The following MYO5A variants were observed in gnomAD, a reference collection of about 807,000 sequenced individuals.
MYO5A encodes unconventional myosin-Va.
In MYO5A, 98 loss-of-function variants were observed where a neutral mutation model predicts 249.7. The observed-to-expected ratio is 0.39, with a 90% CI of 0.33 to 0.46. The LOEUF (loss-of-function observed/expected upper bound fraction) is 0.46, where lower values mean the gene tolerates loss of function less well. MYO5A is among the 20% of genes least tolerant of loss of function. The probability of loss-of-function intolerance (pLI) is 0.98; values close to 1 mark genes in which losing one functional copy is unlikely to be tolerated. For missense variants in MYO5A, 1,696 were observed against 2,308.8 expected (o/e 0.73, Z 5.44); for synonymous variants, 778 against 810.6 (o/e 0.96, Z 0.68).
At chr15:52,360,439 C>A (rs566756039) in intron 24 of MYO5A, among the ~76,000 whole-genome samples, 1 of 152,208 alleles carries the variant, frequency 6.6e-6, no homozygotes, top group East Asian at 1.9e-4. Flanking sequence ...ACTTTTAGTG[C>A]CATAATCAAA....
chr15:52,521,457 T>C (rs1045112810), intron 1 of MYO5A, among the ~76,000 whole-genome samples: 13 of 152,198 alleles, frequency 8.5e-5, no homozygotes, highest in African/African-American at 3.1e-4. Context: ...TGACAAAAGA[T>C]GGACAAAACC....
intron 1 of MYO5A, among the ~76,000 whole-genome samples, chr15:52,487,723 C>CA (rs57515007): frequency 0.037 from 3,229 of 87,298 alleles, 97 homozygotes; most frequent in African/African-American, 0.095. Context: ...GACTCTGTCT[C>CA]AAAAAAAAAA....
At chr15:52,455,409 C>A (rs529258717) in intron 1 of MYO5A, among the ~76,000 whole-genome samples, 34 of 152,160 alleles carry the variant, frequency 2.2e-4, no homozygotes, top group Non-Finnish European at 5.0e-4. Context: ...CAATTCTGCT[C>A]AAACTCTTCA....
chr15:52,407,309 T>G lies in MYO5A; in HGVS notation c.929A>C (p.Gln310Pro). ...DDAKEMAHTR[Q>P]ACTLLGISES... is the part of the protein sequence containing the mutation. Reference sequence around the variant, plus strand: ...GACATTACCTAGCAAAGTGCAGGCCTGCCTAGTATGTGCCATCTCCTTTGC... The same window carrying G: ...GACATTACCTAGCAAAGTGCAGGCCGGCCTAGTATGTGCCATCTCCTTTGC... The change falls in exon 8 of 42, where the codon CAG (glutamine) becomes CCG (proline). Residue 310 changes from glutamine (Q) to proline (P), a missense_variant. By Grantham distance (76) the Gln-to-Pro change is moderately conservative (BLOSUM62 -1). Coordinates refer to ENST00000399233, the MANE Select transcript of MYO5A (RefSeq NM_001382347.1). 6.2e-7 allele frequency: 1 copy of G among 1,612,962 alleles called. No homozygotes were observed. Among genetic ancestry groups the G allele is most frequent in the Non-Finnish European group, 8.5e-7 (1 of 1,178,936 alleles).
At chr15:52,498,252 T>C (rs1217919254) in intron 1 of MYO5A, among the ~76,000 whole-genome samples, 1 of 152,220 alleles carries the variant, frequency 6.6e-6, no homozygotes, top group East Asian at 1.9e-4. Flanking sequence ...ATCTACGTTA[T>C]CTCCACTTGG....
At chr15:52,366,589 CAA>C (rs2040817758) in intron 23 of MYO5A, among the ~76,000 whole-genome samples, 1 of 92,920 alleles carries the variant, frequency 1.1e-5, no homozygotes, top group Non-Finnish European at 2.1e-5. Flanking sequence ...TTTAGACTAG[CAA>C]AGAGTGGTGA....
chr15:52,463,717 T>C (rs188253341), intron 1 of MYO5A, among the ~76,000 whole-genome samples: 1 of 152,308 alleles, frequency 6.6e-6, no homozygotes, highest in African/African-American at 2.4e-5. Flanking sequence ...GTGAATTACT[T>C]ATCTGAAGCT....
chr15:52,358,174 G>A (rs2040340546), intron 25 of MYO5A, among the ~76,000 whole-genome samples: 1 of 152,200 alleles, frequency 6.6e-6, no homozygotes, highest in African/African-American at 2.4e-5. Flanking sequence ...AAGTGGGACT[G>A]GCAGGCGAAT....
intron 9 of MYO5A, among the ~76,000 whole-genome samples, chr15:52,401,074 C>CT (rs61604681): frequency 0.75 from 101,843 of 135,982 alleles, 38,944 homozygotes; most frequent in Non-Finnish European, 0.82. Flanking sequence ...TTCTCATAAG[C>CT]TTTTTTTTTT....
In MYO5A at chr15:52,337,885, C is replaced by T; in HGVS notation, c.4240-1G>A. ...CATCTGCATATAATTCCTCAAAATACTGAAAAAACAGGCACAATGGATATT... is the reference window on the plus strand; with the variant it reads ...CATCTGCATATAATTCCTCAAAATATTGAAAAAACAGGCACAATGGATATT... On this transcript the variant is annotated splice_acceptor_variant, in intron 32 of 41. Transcript: ENST00000399233. LOFTEE classifies it high-confidence loss of function. The T allele has an allele frequency of 1.3e-6, 2 of 1,535,650 alleles. No homozygotes were observed. The highest frequency in any genetic ancestry group is 8.8e-7 in the Non-Finnish European group (1 of 1,137,164).
chr15:52,442,758 C>CTTT (rs57527294), intron 1 of MYO5A, among the ~76,000 whole-genome samples: 4 of 140,980 alleles, frequency 2.8e-5, no homozygotes, highest in Non-Finnish European at 4.6e-5. Context: ...CAGTTTTTTT[C>CTTT]TTTTTTTTTT....
intron 1 of MYO5A, chr15:52,438,024 A>G (rs1340951584): frequency 2.0e-6 from 2 of 984,848 alleles, no homozygotes; most frequent in South Asian, 4.7e-5. Flanking sequence ...CCATTCTATT[A>G]TTACCATTGC....
At position 52,310,378 on chromosome 15, in the gene MYO5A, G is replaced by C. The variant is rs537908911; in HGVS notation, c.*3318C>G. ...ATTACTTTTAAATTTTCAGCTTCAAGTTGTAAGGGTGTGAGGTGAGTCTGC... is the reference window on the plus strand; with the variant it reads ...ATTACTTTTAAATTTTCAGCTTCAACTTGTAAGGGTGTGAGGTGAGTCTGC... On this transcript the variant is annotated 3_prime_UTR_variant, in exon 42 of 42. Coordinates refer to ENST00000399233, the MANE Select transcript of MYO5A (RefSeq NM_001382347.1). 1 of 152,338 alleles carries C rather than the reference G, an allele frequency of 6.6e-6. No individual in the cohort carries two copies. The highest frequency in any genetic ancestry group is 2.4e-5 in the African/African-American group (1 of 41,582). The allele number at this position is 152,338 out of a possible 1,614,324, so 9.4% of individuals were successfully genotyped here. A position where few individuals can be genotyped will look rare whatever the true frequency, so the allele number is the denominator to read the frequency against.
chr15:52,392,150 T>C, intron 11 of MYO5A, 80 bp from the exon 12 acceptor site: 3 of 1,392,146 alleles, frequency 2.2e-6, no homozygotes, highest in Non-Finnish European at 3.0e-6. Flanking sequence ...CAACATAATT[T>C]GAGATAATCT....
At chr15:52,380,200 C>G (rs2141122660) in intron 16 of MYO5A, among the ~76,000 whole-genome samples, 1 of 152,282 alleles carries the variant, frequency 6.6e-6, no homozygotes, top group Non-Finnish European at 1.5e-5. Flanking sequence ...TTTTGGGAGG[C>G]CCAGGAGGGT....
chr15:52,524,435 A>G (rs2077689757), intron 1 of MYO5A, among the ~76,000 whole-genome samples: 1 of 151,716 alleles, frequency 6.6e-6, no homozygotes, highest in South Asian at 2.1e-4. Flanking sequence ...ATGCCTGTAG[A>G]TTCAGCTACC....
intron 12 of MYO5A, 94 bp from the exon 13 acceptor site, chr15:52,389,457 TTG>T: frequency 1.6e-6 from 2 of 1,283,560 alleles, no homozygotes; most frequent in South Asian, 2.7e-5. Context: ...TTTTTTTTTT[TTG>T]GCTTTAACTA....
chr15:52,505,316 G>A (rs947939360), intron 1 of MYO5A: 4 of 777,050 alleles, frequency 5.1e-6, no homozygotes, highest in Admixed American at 1.7e-5. Flanking sequence ...GCAGTGCCCC[G>A]CCCACTGCCT....
chr15:52,357,681 G>A (rs895964202), intron 25 of MYO5A, among the ~76,000 whole-genome samples: 4 of 152,066 alleles, frequency 2.6e-5, no homozygotes, highest in Admixed American at 1.3e-4. Context: ...TTCTGAGCCC[G>A]GATGACACAT....
Sources: allele counts gnomAD v4.1 joint callset (sites outside exome capture counted in the v4.1 genomes callset), GRCh38; gene constraint gnomAD v4.1.1; transcripts MANE v1.5; gene names NCBI Gene and HGNC (gene_info 2026-07-23, HGNC 2026-07-21).